The following CSGALNACT1 variants were observed in gnomAD, a reference collection of about 807,000 sequenced individuals.
CSGALNACT1 encodes the protein beta4GalNAcT-1.
Under a neutral mutation model 51.0 loss-of-function variants are expected in CSGALNACT1, and 52 were observed. That is an observed-to-expected ratio of 1.02 (90% CI 0.82 to 1.29). The LOEUF is 1.29. Among genes scored for constraint, CSGALNACT1 ranks in the 50% most tolerant of loss-of-function variants. CSGALNACT1 has a pLI of 0.00. For missense variants in CSGALNACT1, 935 were observed against 679.2 expected (o/e 1.38, Z -4.19); for synonymous variants, 341 against 254.4 (o/e 1.34, Z -3.24).
At chr8:19,492,386 G>A (rs1268012996) in intron 4 of CSGALNACT1, among the ~76,000 whole-genome samples, 1 of 152,228 alleles carries the variant, frequency 6.6e-6, no homozygotes, top group Non-Finnish European at 1.5e-5. Context: ...ATTATCCCAG[G>A]ATGGTAAATT....
chr8:19,541,114 G>T (rs189628177), intron 3 of CSGALNACT1, among the ~76,000 whole-genome samples: 92 of 151,464 alleles, frequency 6.1e-4, no homozygotes, highest in African/African-American at 2.2e-3. Flanking sequence ...GAGTCTTGCT[G>T]TGTCCCCCAG....
chr8:19,666,683 C>G (rs1431946813), intron 1 of CSGALNACT1, among the ~76,000 whole-genome samples: 1 of 148,194 alleles, frequency 6.7e-6, no homozygotes, highest in African/African-American at 2.5e-5. Flanking sequence ...AATTGACAAA[C>G]CAAGACTGTC....
chr8:19,486,459 T>C (rs2072962818), intron 4 of CSGALNACT1, among the ~76,000 whole-genome samples: 1 of 152,152 alleles, frequency 6.6e-6, no homozygotes, highest in African/African-American at 2.4e-5. Flanking sequence ...TCACATGACA[T>C]GCCCCTCCCC....
At chr8:19,586,918 CT>C (rs1321155737) in intron 3 of CSGALNACT1, among the ~76,000 whole-genome samples, 1 of 152,192 alleles carries the variant, frequency 6.6e-6, no homozygotes, top group Non-Finnish European at 1.5e-5. Context: ...CGAAATTCTT[CT>C]TTGAAAAATA....
upstream of CSGALNACT1, among the ~76,000 whole-genome samples, chr8:19,607,149 C>T (rs548657687): frequency 8.1e-5 from 12 of 147,424 alleles, no homozygotes; most frequent in South Asian, 2.2e-4. Context: ...AGCAAGACTC[C>T]GTCTCAAAAA....
intron 1 of CSGALNACT1, among the ~76,000 whole-genome samples, chr8:19,749,922 T>C (rs979575050): frequency 6.6e-6 from 1 of 152,218 alleles, no homozygotes; most frequent in African/African-American, 2.4e-5. Flanking sequence ...TAAGAGGCAA[T>C]GCACCAATCT....
chr8:19,434,935 C>T (rs140842860), intron 6 of CSGALNACT1, among the ~76,000 whole-genome samples: 280 of 152,138 alleles, frequency 1.8e-3, no homozygotes, highest in African/African-American at 6.4e-3. Flanking sequence ...AAATAATCTT[C>T]CTGGGGGTAT....
At chr8:19,713,497 A>ACCTTATT in intron 1 of CSGALNACT1, among the ~76,000 whole-genome samples, 1 of 152,324 alleles carries the variant, frequency 6.6e-6, no homozygotes, top group South Asian at 2.1e-4. Flanking sequence ...TTTTTTGGAA[A>ACCTTATT]TAAGGTTGCT....
intron 2 of CSGALNACT1, among the ~76,000 whole-genome samples, chr8:19,598,944 C>G (rs1031537406): frequency 6.6e-6 from 1 of 152,126 alleles, no homozygotes; most frequent in Non-Finnish European, 1.5e-5. Flanking sequence ...GGTCCTCAAG[C>G]TAGAGTACAG....
chr8:19,581,808 G>C (rs1564139362), intron 3 of CSGALNACT1, among the ~76,000 whole-genome samples: 1 of 152,176 alleles, frequency 6.6e-6, no homozygotes, highest in Non-Finnish European at 1.5e-5. Flanking sequence ...GGATTATCTT[G>C]ATATGGTTAC....
At chr8:19,599,172 C>A (rs746391757) in intron 2 of CSGALNACT1, among the ~76,000 whole-genome samples, 1 of 151,626 alleles carries the variant, frequency 6.6e-6, no homozygotes, top group African/African-American at 2.4e-5. Flanking sequence ...GGAGGGGGAG[C>A]ACAGAGAGCT....
chr8:19,634,854 T>C (rs563287650), intron 1 of CSGALNACT1, among the ~76,000 whole-genome samples: 2 of 152,248 alleles, frequency 1.3e-5, no homozygotes, highest in African/African-American at 2.4e-5. Flanking sequence ...ACTCGGCCTA[T>C]GGTATTTTGT....
At chr8:19,441,126 G>A (rs1327705307) in intron 5 of CSGALNACT1, among the ~76,000 whole-genome samples, 1 of 152,102 alleles carries the variant, frequency 6.6e-6, no homozygotes, top group East Asian at 1.9e-4. Flanking sequence ...TCAATATCGT[G>A]AAAATGGTCA....
upstream of CSGALNACT1, among the ~76,000 whole-genome samples, chr8:19,683,826 AG>A (rs1160019756): frequency 6.6e-6 from 1 of 152,010 alleles, no homozygotes; most frequent in Non-Finnish European, 1.5e-5. Context: ...TTTAAGGAAA[AG>A]CTATTGAGGG....
intron 2 of CSGALNACT1, among the ~76,000 whole-genome samples, chr8:19,596,513 T>C (rs2048933812): frequency 6.6e-6 from 1 of 151,818 alleles, no homozygotes; most frequent in Admixed American, 6.6e-5. Flanking sequence ...GATCCTATTA[T>C]CTTTGCTGAA....
chr8:19,592,401 A>G (rs2048011062), intron 2 of CSGALNACT1, among the ~76,000 whole-genome samples: 1 of 152,236 alleles, frequency 6.6e-6, no homozygotes, highest in Non-Finnish European at 1.5e-5. Context: ...AATAGTATAT[A>G]TATTTATTTA....
At chr8:19,504,942 GGAA>G (rs34107283) in intron 4 of CSGALNACT1, among the ~76,000 whole-genome samples, 3 of 152,102 alleles carry the variant, frequency 2.0e-5, no homozygotes, top group South Asian at 4.1e-4. Flanking sequence ...TAAAATGAAA[GGAA>G]GAAGTTCTAC....
intron 1 of CSGALNACT1, among the ~76,000 whole-genome samples, chr8:19,687,606 A>G (rs1326346980): frequency 6.6e-6 from 1 of 152,226 alleles, no homozygotes; most frequent in Non-Finnish European, 1.5e-5. Flanking sequence ...CCACACTAAT[A>G]TAATTCCTGA....
chr8:19,501,392 T>C (rs2076392918), intron 4 of CSGALNACT1, among the ~76,000 whole-genome samples: 1 of 152,182 alleles, frequency 6.6e-6, no homozygotes, highest in Admixed American at 6.5e-5. Flanking sequence ...CAACACTTAA[T>C]GCTATCACGT....
Sources: allele counts gnomAD v4.1 joint callset (sites outside exome capture counted in the v4.1 genomes callset), GRCh38; gene constraint gnomAD v4.1.1; transcripts MANE v1.5; gene names NCBI Gene and HGNC (gene_info 2026-07-23, HGNC 2026-07-21).